The following RAB40C variants were observed in gnomAD, a reference collection of about 807,000 sequenced individuals.
The protein encoded by RAB40C is ras-related protein Rab-40C.
Under a neutral mutation model 28.1 loss-of-function variants are expected in RAB40C, and 8 were observed. That is an observed-to-expected ratio of 0.28 (90% CI 0.17 to 0.51). The LOEUF (loss-of-function observed/expected upper bound fraction) is 0.51, where lower values mean the gene tolerates loss of function less well. Among genes scored for constraint, RAB40C ranks in the 20% least tolerant of loss-of-function variants. The pLI is 0.97. For missense variants in RAB40C, 288 were observed against 405.9 expected (o/e 0.71, Z 2.50); for synonymous variants, 201 against 171.7 (o/e 1.17, Z -1.34).
At chr16:591,718 A>C (rs1192681319) in intron 1 of RAB40C, among the ~76,000 whole-genome samples, 2 of 151,452 alleles carry the variant, frequency 1.3e-5, no homozygotes, top group East Asian at 3.9e-4. Context: ...CAGCCTCCCG[A>C]GTAGCTGGGA....
At chr16:592,556 G>C (rs981003030) in intron 1 of RAB40C, among the ~76,000 whole-genome samples, 1 of 152,268 alleles carries the variant, frequency 6.6e-6, no homozygotes, top group Admixed American at 6.5e-5. Flanking sequence ...TCCTGCACTT[G>C]ACAGTGACTG....
chr16:596,793 C>G (rs748838437), intron 1 of RAB40C, among the ~76,000 whole-genome samples: 3 of 152,158 alleles, frequency 2.0e-5, no homozygotes, highest in Non-Finnish European at 4.4e-5. Context: ...GAAGAGGGGC[C>G]TCTTCAGTCC....
chr16:610,277 G>C lies in RAB40C; in HGVS notation c.143-6931G>C, dbSNP rs2036457256. On this transcript the variant is annotated intron_variant, in intron 1 of 5. Coordinates refer to ENST00000248139, the MANE Select transcript of RAB40C (RefSeq NM_021168.5). The surrounding 1 kb of genome is among the most constrained non-coding windows in gnomAD (Gnocchi z 4.6). The stretch of plus-strand genomic sequence containing the variant: ...GCGGCTCTGACCAGGACAGTGCCGT[G>C]TGTCTCATGGGGTTGTGTTCAGGTC... 6.6e-6 allele frequency among the ~76,000 whole-genome samples: 1 copy of C among 152,170 alleles called. No individual in the cohort carries two copies. The highest frequency in any genetic ancestry group is 6.5e-5 in the Admixed American group (1 of 15,278).
rs1350603712 is a variant in RAB40C, at chr16:610,718, C to A, written c.143-6490C>A. On this transcript the variant is annotated intron_variant, in intron 1 of 5. Transcript: ENST00000248139. The surrounding 1 kb of genome is among the most constrained non-coding windows in gnomAD (Gnocchi z 4.6). Reference sequence around the variant, plus strand: ...CTCCTGGGTCACTGCTCTGTGCCTCCAGGAGCTCCTCCCTCTACCCCGCCC... The same window carrying A: ...CTCCTGGGTCACTGCTCTGTGCCTCAAGGAGCTCCTCCCTCTACCCCGCCC... Among the ~76,000 whole-genome samples the A allele has an allele frequency of 6.6e-6, 1 of 151,984 alleles. No individual in the cohort carries two copies. Among genetic ancestry groups the A allele is most frequent in the African/African-American group, 2.4e-5 (1 of 41,386 alleles).
chr16:603,189 G>A (rs991193267), intron 1 of RAB40C, among the ~76,000 whole-genome samples: 1 of 152,192 alleles, frequency 6.6e-6, no homozygotes, highest in Non-Finnish European at 1.5e-5. Flanking sequence ...GCTTGTTGTG[G>A]GTTTTAAGGC....
At chr16:607,844 AAAAAG>A (rs1041531925) in intron 1 of RAB40C, among the ~76,000 whole-genome samples, 2 of 152,136 alleles carry the variant, frequency 1.3e-5, no homozygotes, top group South Asian at 4.1e-4. Flanking sequence ...GACAAAAAAG[AAAAAG>A]AAAAGAAAAC....
chr16:598,076 C>T (rs532435239), intron 1 of RAB40C, among the ~76,000 whole-genome samples: 1 of 151,304 alleles, frequency 6.6e-6, no homozygotes, highest in Non-Finnish European at 1.5e-5. Flanking sequence ...GAAACCCCGT[C>T]TCTACTAAAA....
chr16:618,626 G>A (rs1487671831), intron 3 of RAB40C, among the ~76,000 whole-genome samples: 2 of 151,650 alleles, frequency 1.3e-5, no homozygotes, highest in African/African-American at 4.8e-5. Flanking sequence ...CAGGTCTGGC[G>A]GGGGCACTGG....
intron 1 of RAB40C, 38 bp downstream of exon 1, chr16:590,471 C>T: frequency 1.3e-6 from 2 of 1,507,988 alleles, no homozygotes; most frequent in Non-Finnish European, 1.8e-6. Context: ...CTACGCGGGG[C>T]CCGAGCCCGG....
At chr16:589,946 T>G (rs1596392751), upstream of RAB40C, 1 of 113,368 alleles carries the variant, frequency 8.8e-6, no homozygotes, top group Admixed American at 1.2e-4. Flanking sequence ...ACCGGAGGTC[T>G]GGCGGCGCCG....
At position 627,256 on chromosome 16, in the gene RAB40C, C is replaced by A. The variant is rs2036857496; in HGVS notation, c.566-86C>A. 3 of 1,372,414 alleles carry A rather than the reference C, an allele frequency of 2.2e-6. No individual in the cohort carries two copies. The African/African-American group carries it at 4.3e-5, about 20-fold the overall frequency. The allele number at this position is 1,372,414 out of a possible 1,614,324, so 85.0% of individuals were successfully genotyped here. ...ACCTCTAGGAGTGTGGAGACCCCGC[C>A]AGGCTTCTCTTGGGCACCTCAGGTC... is the stretch of plus-strand genomic sequence containing the variant. On this transcript the variant is annotated intron_variant, in intron 5 of 5. Transcript: ENST00000248139.
intron 1 of RAB40C, among the ~76,000 whole-genome samples, chr16:598,876 C>T (rs2036189769): frequency 6.6e-6 from 1 of 152,142 alleles, no homozygotes; most frequent in African/African-American, 2.4e-5. Flanking sequence ...GTAGGCCGGG[C>T]GGTCAAGCAC....
At chr16:618,050 C>A (rs2036624489) in intron 2 of RAB40C, 150 bp from the exon 3 acceptor site, 2 of 703,738 alleles carry the variant, frequency 2.8e-6, no homozygotes, top group Non-Finnish European at 4.7e-6. Context: ...GTGACCTGTG[C>A]AGACAAAGCC....
chr16:611,058 G>A (rs572086842), intron 1 of RAB40C, among the ~76,000 whole-genome samples: 3 of 152,286 alleles, frequency 2.0e-5, no homozygotes, highest in African/African-American at 4.8e-5. Context: ...CTGTTCTGAC[G>A]CGCACCGTGG....
rs1028656658 is a variant in RAB40C, at chr16:610,405, A to C, written c.143-6803A>C. Among the ~76,000 whole-genome samples the C allele has an allele frequency of 2.0e-5, 3 of 152,044 alleles. No homozygotes were observed. Among genetic ancestry groups the C allele is most frequent in the African/African-American group, 7.2e-5 (3 of 41,392 alleles). On this transcript the variant is annotated intron_variant, in intron 1 of 5. Coordinates refer to ENST00000248139, the MANE Select transcript of RAB40C (RefSeq NM_021168.5). The surrounding 1 kb of genome is among the most constrained non-coding windows in gnomAD (Gnocchi z 4.6). ...GGCCTGTGGCACCCAGCAGATGAGG[A>C]GGAGAGCAGGGGGAAGGGTGGCAGG...
Position 619,703 on chromosome 16 carries a change from C to T in RAB40C, c.264+1443C>T, listed in dbSNP as rs573259784. Reference sequence around the variant, plus strand: ...GGCCGCCTGGGTCTGGGTCTGGATCCTTCTTGGGGGAAGGTTCAGGTCTGT... The same window carrying T: ...GGCCGCCTGGGTCTGGGTCTGGATCTTTCTTGGGGGAAGGTTCAGGTCTGT... On this transcript the variant is annotated intron_variant, in intron 3 of 5. Coordinates refer to ENST00000248139, the MANE Select transcript of RAB40C (RefSeq NM_021168.5). Among the ~76,000 whole-genome samples the T allele has an allele frequency of 3.3e-5, 5 of 152,256 alleles. No homozygotes were observed. In the South Asian group the frequency reaches 1.0e-3, roughly 32 times the overall value.
chr16:592,655 C>T (rs771714973), intron 1 of RAB40C, among the ~76,000 whole-genome samples: 3 of 152,222 alleles, frequency 2.0e-5, no homozygotes, highest in African/African-American at 7.2e-5. Context: ...GCTCCAGGGG[C>T]GCTGCGCACT....
chr16:602,313 G>A (rs1440983925), intron 1 of RAB40C, among the ~76,000 whole-genome samples: 1 of 150,242 alleles, frequency 6.7e-6, no homozygotes, highest in Non-Finnish European at 1.5e-5. Flanking sequence ...AGGCTGGAGT[G>A]CAGTGATCAT....
At chr16:599,062 C>T (rs2036193517) in intron 1 of RAB40C, among the ~76,000 whole-genome samples, 1 of 152,154 alleles carries the variant, frequency 6.6e-6, no homozygotes, top group Admixed American at 6.5e-5. Context: ...CTGGGAGGGG[C>T]GGTAATAGGG....
Sources: allele counts gnomAD v4.1 joint callset (sites outside exome capture counted in the v4.1 genomes callset), GRCh38; gene constraint gnomAD v4.1.1; non-coding constraint Gnocchi (gnomAD v3.1); transcripts MANE v1.5; gene names NCBI Gene and HGNC (gene_info 2026-07-23, HGNC 2026-07-21).